Variants in WNT3 observed in about 807,000 individuals in gnomAD.
The protein encoded by WNT3 is proto-oncogene Wnt-3.
In WNT3, 7 loss-of-function variants were observed where a neutral mutation model predicts 34.2. The ratio of observed to expected loss-of-function variants is 0.20; its 90% CI spans 0.12 to 0.38. The LOEUF is 0.38. WNT3 is among the 10% of genes least tolerant of loss of function. WNT3 has a pLI of 1.00. For missense variants in WNT3, 267 were observed against 499.8 expected (o/e 0.53, Z 4.44); for synonymous variants, 212 against 211.5 (o/e 1.00, Z -0.02).
chr17:46,816,708 G>GTTCT, intron 1 of WNT3, among the ~76,000 whole-genome samples: 1 of 152,166 alleles, frequency 6.6e-6, no homozygotes, highest in African/African-American at 2.4e-5. Context: ...CCAACTGGAA[G>GTTCT]AGTGCCCTCT....
rs1243045047 is a variant in WNT3 at position 46,763,632 on chromosome 17, C to G, written c.*998G>C. ...AATTGATGGCTACTCCCTCACGGAC[C>G]CTTTGTCTAACTTATACTAAGGTGA... On this transcript the variant is annotated 3_prime_UTR_variant, in exon 5 of 5. Coordinates refer to ENST00000225512, the MANE Select transcript of WNT3 (RefSeq NM_030753.5). The G allele has an allele frequency of 3.9e-5, 6 of 152,004 alleles. No individual in the cohort carries two copies. Among genetic ancestry groups the G allele is most frequent in the Non-Finnish European group, 8.8e-5 (6 of 68,018 alleles). The allele number at this position is 152,004 out of a possible 1,614,324, so 9.4% of individuals were successfully genotyped here.
At chr17:46,811,413 T>C (rs2084274036) in intron 1 of WNT3, among the ~76,000 whole-genome samples, 1 of 152,124 alleles carries the variant, frequency 6.6e-6, no homozygotes, top group Non-Finnish European at 1.5e-5. Flanking sequence ...TAGTTTGACA[T>C]GAGGGTATGG....
At position 46,803,555 on chromosome 17, in the gene WNT3, T is replaced by A. The variant is rs1022748752; in HGVS notation, c.80+14963A>T. On this transcript the variant is annotated intron_variant, in intron 1 of 4. Transcript: ENST00000225512. ...AGAAAGAAAAAAAAAAGTTAAACAA[T>A]CATTCTATCCTCCTATCTTGGCAAA... Among the ~76,000 whole-genome samples, 4 of 152,090 alleles carry A rather than the reference T, an allele frequency of 2.6e-5. No homozygotes were observed. The South Asian group carries it at 8.3e-4, about 32-fold the overall frequency.
intron 1 of WNT3, among the ~76,000 whole-genome samples, chr17:46,808,880 G>A (rs1039233817): frequency 3.9e-5 from 6 of 152,162 alleles, no homozygotes; most frequent in African/African-American, 1.4e-4. Flanking sequence ...ACAGCAGCCT[G>A]CTCAGGTCGA....
chr17:46,773,926 G>A lies in WNT3; in HGVS notation c.81-17C>T, dbSNP rs751442427. 2 of 1,609,382 alleles carry A rather than the reference G, an allele frequency of 1.2e-6. No individual in the cohort carries two copies. Among genetic ancestry groups the A allele is most frequent in the Non-Finnish European group, 1.7e-6 (2 of 1,179,386 alleles). ...GCCAGGGACCTGCAGGCAGACAGAG[G>A]GTAGTAACACTGTGGGCACAAAGCA... On this transcript the variant is annotated splice_polypyrimidine_tract_variant and intron_variant, in intron 1 of 4. Transcript: ENST00000225512.
intron 1 of WNT3, among the ~76,000 whole-genome samples, chr17:46,779,746 A>G (rs1357042850): frequency 1.5e-5 from 2 of 135,888 alleles, no homozygotes; most frequent in African/African-American, 5.7e-5. Flanking sequence ...TGGTGAGCAC[A>G]AGGCAGAGAG....
At chr17:46,795,554 C>G (rs187671405) in intron 1 of WNT3, among the ~76,000 whole-genome samples, 19 of 152,320 alleles carry the variant, frequency 1.2e-4, no homozygotes, top group Non-Finnish European at 2.6e-4. Flanking sequence ...ATGTGGCTAC[C>G]TCTAACCCAG....
chr17:46,769,330 A>G (rs886259180), intron 3 of WNT3, among the ~76,000 whole-genome samples: 2 of 151,970 alleles, frequency 1.3e-5, no homozygotes, highest in Non-Finnish European at 2.9e-5. Flanking sequence ...AAAAAAAAAA[A>G]AAGAAAAGAA....
chr17:46,790,330 G>A (rs1237893931), intron 1 of WNT3, among the ~76,000 whole-genome samples: 1 of 152,136 alleles, frequency 6.6e-6, no homozygotes, highest in Non-Finnish European at 1.5e-5. Context: ...GTGGGCCATT[G>A]GTTCTCATCC....
At chr17:46,804,925 C>A (rs950305514) in intron 1 of WNT3, among the ~76,000 whole-genome samples, 3 of 140,726 alleles carry the variant, frequency 2.1e-5, no homozygotes, top group Admixed American at 7.0e-5. Flanking sequence ...GCCCACCCCC[C>A]CCACCCCCAA....
chr17:46,787,957 GAAAA>G (rs58426374), intron 1 of WNT3, among the ~76,000 whole-genome samples: 1 of 98,452 alleles, frequency 1.0e-5, no homozygotes. Context: ...CTCTGCCTCA[GAAAA>G]AAAAAAAAAA....
intron 1 of WNT3, among the ~76,000 whole-genome samples, chr17:46,796,452 T>C (rs780910372): frequency 7.2e-5 from 11 of 152,212 alleles, no homozygotes; most frequent in Non-Finnish European, 1.3e-4. Context: ...TGGCCCACAT[T>C]ACCCAGGTAA....
chr17:46,809,879 C>T (rs2084248849), intron 1 of WNT3, among the ~76,000 whole-genome samples: 1 of 152,136 alleles, frequency 6.6e-6, no homozygotes, highest in Admixed American at 6.5e-5. Context: ...CCTGTCCAGC[C>T]CCACTTCTTC....
intron 1 of WNT3, among the ~76,000 whole-genome samples, chr17:46,802,683 T>A (rs2084141295): frequency 6.6e-6 from 1 of 152,070 alleles, no homozygotes; most frequent in African/African-American, 2.4e-5. Flanking sequence ...ATGATACCTA[T>A]GGAATGAAGC....
At chr17:46,793,313 ATT>A (rs944012190) in intron 1 of WNT3, among the ~76,000 whole-genome samples, 1 of 144,876 alleles carries the variant, frequency 6.9e-6, no homozygotes, top group African/African-American at 2.5e-5. Context: ...GAGGGGAGAC[ATT>A]TACCAGGACA....
At chr17:46,790,284 C>T (rs1568086130) in intron 1 of WNT3, among the ~76,000 whole-genome samples, 1 of 152,178 alleles carries the variant, frequency 6.6e-6, no homozygotes, top group Admixed American at 6.5e-5. Flanking sequence ...TACAGACCCA[C>T]GCAGGACTTC....
chr17:46,816,473 A>G (rs1042789998), intron 1 of WNT3, among the ~76,000 whole-genome samples: 21 of 77,406 alleles, frequency 2.7e-4, no homozygotes, highest in East Asian at 5.6e-4. Context: ...CCCAGAACAC[A>G]CGCACACACA....
chr17:46,806,068 G>A (rs1024773042), intron 1 of WNT3, among the ~76,000 whole-genome samples: 1 of 152,152 alleles, frequency 6.6e-6, no homozygotes, highest in African/African-American at 2.4e-5. Context: ...TTTCCTCAAT[G>A]TATGTGATAC....
intron 4 of WNT3, among the ~76,000 whole-genome samples, chr17:46,766,991 T>A (rs991878245): frequency 6.6e-6 from 1 of 152,284 alleles, no homozygotes; most frequent in South Asian, 2.1e-4. Flanking sequence ...GGTCACACGG[T>A]TGGCAAGTGG....
Sources: gnomAD v4.1 joint callset for allele counts (sites outside exome capture counted in the v4.1 genomes callset) on GRCh38, gnomAD v4.1.1 for gene constraint, MANE v1.5 for transcripts, NCBI Gene and HGNC (gene_info 2026-07-23, HGNC 2026-07-21) for gene names.